The following RBFOX1 variants were observed in gnomAD, a reference collection of about 807,000 sequenced individuals.
RBFOX1 encodes RNA binding fox-1 homolog 1.
Under a neutral mutation model 57.7 loss-of-function variants are expected in RBFOX1, and 8 were observed. The observed-to-expected ratio is 0.14, with a 90% CI of 0.08 to 0.25. RBFOX1 has a LOEUF of 0.25. Among genes scored for constraint, RBFOX1 ranks in the 10% least tolerant of loss-of-function variants. The pLI is 1.00. For synonymous variants in RBFOX1, 326 were observed against 222.4 expected (o/e 1.47, Z -4.15); for missense variants, 611 against 548.5 (o/e 1.11, Z -1.14).
chr16:6,360,425 GATTGTCCACACTAT>G (rs1348091155), intron 2 of RBFOX1, among the ~76,000 whole-genome samples: 1 of 152,080 alleles, frequency 6.6e-6, no homozygotes, highest in African/African-American at 2.4e-5. Flanking sequence ...TTCTGAAACA[GATTGTCCACACTAT>G]ATTTGGAAAA....
chr16:6,582,461 A>T (rs1279362527), intron 2 of RBFOX1, among the ~76,000 whole-genome samples: 28 of 146,936 alleles, frequency 1.9e-4, no homozygotes, highest in Non-Finnish European at 2.8e-4. Flanking sequence ...GTTAGCGCCA[A>T]TTTTTTTTTT....
At chr16:5,953,682 T>C (rs2152279331) in intron 4 of RBFOX1, among the ~76,000 whole-genome samples, 1 of 149,374 alleles carries the variant, frequency 6.7e-6, no homozygotes, top group South Asian at 2.1e-4. Context: ...CATTCATTTT[T>C]AGGGCTAAGT....
chr16:6,896,959 A>G (rs12920564), intron 3 of RBFOX1, among the ~76,000 whole-genome samples: 25,093 of 152,182 alleles, frequency 0.16, 2,246 homozygotes, highest in South Asian at 0.28. Flanking sequence ...CTCAGAATGC[A>G]GCTGACAGGC....
At chr16:6,829,688 G>A (rs146443690) in intron 3 of RBFOX1, among the ~76,000 whole-genome samples, 56 of 151,950 alleles carry the variant, frequency 3.7e-4, no homozygotes, top group African/African-American at 1.2e-3. Flanking sequence ...TACAACCTCC[G>A]TCTCCTGGGT....
intron 4 of RBFOX1, among the ~76,000 whole-genome samples, chr16:7,154,883 A>C (rs568180664): frequency 3.3e-5 from 5 of 152,296 alleles, no homozygotes; most frequent in African/African-American, 1.2e-4. Flanking sequence ...CTTCATAGGT[A>C]AGGAAACTAG....
intron 1 of RBFOX1, among the ~76,000 whole-genome samples, chr16:6,023,838 G>C (rs974008588): frequency 7.2e-5 from 11 of 152,164 alleles, no homozygotes; most frequent in African/African-American, 2.4e-4. Flanking sequence ...AAGCCACGAG[G>C]CTCTTCCCAA....
intron 3 of RBFOX1, among the ~76,000 whole-genome samples, chr16:6,709,074 C>T (rs886511676): frequency 6.6e-6 from 1 of 151,900 alleles, no homozygotes; most frequent in Non-Finnish European, 1.5e-5. Flanking sequence ...CACCATATAT[C>T]TCAAGCACAG....
At chr16:6,472,971 TA>T (rs1004812010) in intron 2 of RBFOX1, among the ~76,000 whole-genome samples, 2 of 152,114 alleles carry the variant, frequency 1.3e-5, no homozygotes, top group African/African-American at 4.8e-5. Flanking sequence ...GTAAGGAAGA[TA>T]GCATGATCAT....
chr16:6,560,356 C>A (rs1352155547), intron 2 of RBFOX1, among the ~76,000 whole-genome samples: 1 of 124,982 alleles, frequency 8.0e-6, no homozygotes, highest in Non-Finnish European at 1.7e-5. Flanking sequence ...TGGAAGAATC[C>A]ATTGCAATTT....
intron 4 of RBFOX1, among the ~76,000 whole-genome samples, chr16:7,326,483 C>T (rs368504290): frequency 6.6e-6 from 1 of 152,074 alleles, no homozygotes; most frequent in Non-Finnish European, 1.5e-5. Context: ...ACAGACAGAG[C>T]TGCCATGATG....
chr16:6,858,547 C>T (rs74725508), intron 3 of RBFOX1, among the ~76,000 whole-genome samples: 1,620 of 152,192 alleles, frequency 0.011, 33 homozygotes, highest in African/African-American at 0.036. Context: ...TACTTAGAAT[C>T]GTACGGTTAC....
At chr16:6,751,321 G>T (rs1265731387) in intron 3 of RBFOX1, among the ~76,000 whole-genome samples, 2 of 152,126 alleles carry the variant, frequency 1.3e-5, no homozygotes, top group Non-Finnish European at 2.9e-5. Flanking sequence ...AGAAATGACA[G>T]TGCCCTCTAC....
At chr16:7,334,206 C>T (rs2096743774) in intron 4 of RBFOX1, among the ~76,000 whole-genome samples, 1 of 152,068 alleles carries the variant, frequency 6.6e-6, no homozygotes, top group South Asian at 2.1e-4. Flanking sequence ...TTCCAAGTCA[C>T]AACAAAACAT....
At chr16:6,532,033 A>G (rs560643779) in intron 2 of RBFOX1, among the ~76,000 whole-genome samples, 97 of 152,278 alleles carry the variant, frequency 6.4e-4, no homozygotes, top group African/African-American at 2.1e-3. Context: ...ATGGGAAGAA[A>G]TGAATTCCAA....
chr16:5,370,372 C>T (rs974574790), intron 1 of RBFOX1, among the ~76,000 whole-genome samples: 4 of 151,760 alleles, frequency 2.6e-5, no homozygotes, highest in African/African-American at 9.7e-5. Flanking sequence ...TCCCTGGTGC[C>T]AGATGCTATG....
chr16:6,105,290 TC>T (rs1422816571), intron 1 of RBFOX1, among the ~76,000 whole-genome samples: 1 of 152,220 alleles, frequency 6.6e-6, no homozygotes, highest in African/African-American at 2.4e-5. Context: ...TTAAACGTAA[TC>T]CATTTGTAAC....
At chr16:6,465,615 TG>T (rs2095030513) in intron 2 of RBFOX1, among the ~76,000 whole-genome samples, 4 of 151,622 alleles carry the variant, frequency 2.6e-5, no homozygotes, top group Middle Eastern at 3.2e-3. Flanking sequence ...TGTGTGTGTG[TG>T]TGTGTGTGTG....
intron 4 of RBFOX1, among the ~76,000 whole-genome samples, chr16:7,409,477 A>C (rs543873788): frequency 6.6e-6 from 1 of 152,344 alleles, no homozygotes; most frequent in Admixed American, 6.5e-5. Flanking sequence ...AAAACAGCAC[A>C]GGGCTCCTGA....
intron 4 of RBFOX1, among the ~76,000 whole-genome samples, chr16:7,068,424 GT>G (rs2056617162): frequency 6.6e-6 from 1 of 152,052 alleles, no homozygotes; most frequent in Non-Finnish European, 1.5e-5. Context: ...GTAGCCCAGG[GT>G]GGCCATTGGC....
Sources: gnomAD v4.1 joint callset for allele counts (sites outside exome capture counted in the v4.1 genomes callset) on GRCh38, gnomAD v4.1.1 for gene constraint, MANE v1.5 for transcripts, NCBI Gene and HGNC (gene_info 2026-07-23, HGNC 2026-07-21) for gene names.